CEP162: variants seen among roughly 807,000 people sequenced by gnomAD.
CEP162 encodes the protein centrosomal protein of 162 kDa.
In CEP162, 141 loss-of-function variants were observed where a neutral mutation model predicts 169.2. That is an observed-to-expected ratio of 0.83 (90% CI 0.73 to 0.96). The LOEUF is 0.96. CEP162 is among the 40% of genes least tolerant of loss of function. The pLI, the probability that CEP162 is intolerant of heterozygous loss-of-function variation, is 0.00. For missense variants in CEP162, 1,600 were observed against 1,587.2 expected (o/e 1.01, Z -0.14); for synonymous variants, 540 against 526.4 (o/e 1.03, Z -0.35).
chr6:84,176,602 G>C lies in CEP162; in HGVS notation c.1664-1255C>G, dbSNP rs2099532511. On this transcript the variant is annotated intron_variant, in intron 13 of 26. Coordinates refer to ENST00000403245, the MANE Select transcript of CEP162 (RefSeq NM_014895.4). ...TGCTCTAAAATCTGAAATTTTTTGA[G>C]GGTCAACATGACGCTCATAGAAAAA... Among the ~76,000 whole-genome samples the C allele has an allele frequency of 2.0e-5, 3 of 152,170 alleles. No homozygotes were observed. The South Asian group carries it at 6.2e-4, about 31-fold the overall frequency.
At chr6:84,197,469 T>C (rs2099542618) in intron 9 of CEP162, among the ~76,000 whole-genome samples, 1 of 152,038 alleles carries the variant, frequency 6.6e-6, no homozygotes, top group Non-Finnish European at 1.5e-5. Flanking sequence ...GACTCTGTAG[T>C]TATTTTATGT....
At position 84,204,056 on chromosome 6, in the gene CEP162, T is replaced by A. The variant is rs1365903153; in HGVS notation, c.612A>T (p.Ala204=). 1 of 1,609,200 alleles carries A rather than the reference T, an allele frequency of 6.2e-7. No homozygotes were observed. The highest frequency in any genetic ancestry group is 8.5e-7 in the Non-Finnish European group (1 of 1,177,804). Residue 204 remains alanine (A), a synonymous_variant, in exon 7 of 27, where the codon GCA becomes GCT. Transcript: ENST00000403245. ...TCTCTTCATCTTTAGTAGTCAACGGTGCACCAACATACTCATCTTCAAAAT... is the reference window on the plus strand; with the variant it reads ...TCTCTTCATCTTTAGTAGTCAACGGAGCACCAACATACTCATCTTCAAAAT... ...SDDFEDEYVG[A]PLTTKDEEMP...
In CEP162 at chr6:84,152,728, G is replaced by T; in HGVS notation, c.3446C>A (p.Ser1149Tyr). 1.2e-6 allele frequency: 2 copies of T among 1,613,252 alleles called. No homozygotes were observed. Among genetic ancestry groups the T allele is most frequent in the Non-Finnish European group, 1.7e-6 (2 of 1,179,636 alleles). The change falls in exon 23 of 27, where the codon TCC (serine) becomes TAC (tyrosine). Residue 1149 changes from serine (S) to tyrosine (Y), a missense_variant. Physicochemically the swap from Ser to Tyr is moderately radical, Grantham distance 144 (BLOSUM62 -2). Coordinates refer to ENST00000403245, the MANE Select transcript of CEP162 (RefSeq NM_014895.4). ...VLHSSKGNAN[S>Y]FPGTLDSKLY... ...CTTGCTGTCCAGGGTTCCAGGGAAG[G>T]AGTTAGCATTTCCTTTACTTGAGTG... is the stretch of plus-strand genomic sequence containing the variant.
intron 6 of CEP162, among the ~76,000 whole-genome samples, chr6:84,208,323 T>C (rs925471964): frequency 6.6e-6 from 1 of 152,206 alleles, no homozygotes; most frequent in African/African-American, 2.4e-5. Context: ...AATTTAGATC[T>C]GTAGCTATAA....
intron 17 of CEP162, among the ~76,000 whole-genome samples, chr6:84,170,938 G>A (rs918309633): frequency 9.9e-5 from 15 of 152,058 alleles, no homozygotes; most frequent in Admixed American, 2.6e-4. Context: ...CCCCTGACCC[G>A]GCATAAAGGG....
intron 11 of CEP162, among the ~76,000 whole-genome samples, chr6:84,191,055 TAA>T (rs2099539671): frequency 6.6e-6 from 1 of 152,182 alleles, no homozygotes; most frequent in Non-Finnish European, 1.5e-5. Flanking sequence ...CAAAGAACTC[TAA>T]GTTTCATTAT....
intron 13 of CEP162, among the ~76,000 whole-genome samples, chr6:84,179,007 T>C (rs947838677): frequency 7.2e-5 from 11 of 152,346 alleles, no homozygotes; most frequent in Middle Eastern, 3.4e-3. Flanking sequence ...TTTTTATGGC[T>C]GCATAGTATT....
chr6:84,201,533 G>C (rs1333986763), intron 8 of CEP162, among the ~76,000 whole-genome samples: 1 of 151,922 alleles, frequency 6.6e-6, no homozygotes, highest in Non-Finnish European at 1.5e-5. Context: ...AAGGCAAAGG[G>C]CATAAGAAAA....
At chr6:84,133,810 T>C (rs1304931296) in intron 25 of CEP162, among the ~76,000 whole-genome samples, 1 of 152,154 alleles carries the variant, frequency 6.6e-6, no homozygotes, top group Non-Finnish European at 1.5e-5. Context: ...CCCTTGCGCT[T>C]CCTGGGTGAG....
chr6:84,184,669 A>T (rs1175498473), intron 13 of CEP162, among the ~76,000 whole-genome samples: 1 of 151,958 alleles, frequency 6.6e-6, no homozygotes, highest in Non-Finnish European at 1.5e-5. Context: ...GGTTAGCATG[A>T]TCAGGGGTCT....
chr6:84,153,406 T>C (rs1438356273), intron 22 of CEP162, among the ~76,000 whole-genome samples: 1 of 152,210 alleles, frequency 6.6e-6, no homozygotes, highest in African/African-American at 2.4e-5. Flanking sequence ...ATAATTGATA[T>C]GTTGCTTCAT....
At chr6:84,177,911 C>T (rs1243452171) in intron 13 of CEP162, among the ~76,000 whole-genome samples, 1 of 152,004 alleles carries the variant, frequency 6.6e-6, no homozygotes, top group Non-Finnish European at 1.5e-5. Context: ...AGTGAATAGC[C>T]CAAGGACACA....
At position 84,189,459 on chromosome 6, in the gene CEP162, C is replaced by T. The variant is rs371435242; in HGVS notation, c.1110-2836G>A. Reference sequence around the variant, plus strand: ...GCATGGGGTTGGTGGGCCCCGCACTCGGAGCAGCCAGCCAGCCCTGCTGGC... The same window carrying T: ...GCATGGGGTTGGTGGGCCCCGCACTTGGAGCAGCCAGCCAGCCCTGCTGGC... On this transcript the variant is annotated intron_variant, in intron 11 of 26. Transcript: ENST00000403245. Among the ~76,000 whole-genome samples, 140 of 152,334 alleles carry T rather than the reference C, an allele frequency of 9.2e-4. 1 individual carries two copies. The highest frequency in any genetic ancestry group is 2.9e-4 in the African/African-American group (12 of 41,576).
chr6:84,189,510 C>T (rs181636147), intron 11 of CEP162, among the ~76,000 whole-genome samples: 7,363 of 152,292 alleles, frequency 0.048, 618 homozygotes, highest in African/African-American at 0.17. Flanking sequence ...ACTTAGCACC[C>T]GGGCCAGTGG....
intron 25 of CEP162, among the ~76,000 whole-genome samples, chr6:84,128,254 C>CGG (rs2099509738): frequency 6.6e-6 from 1 of 152,054 alleles, no homozygotes; most frequent in African/African-American, 2.4e-5. Context: ...TTAATTGCAC[C>CGG]TACCTAAAAG....
chr6:84,227,257 A>G (rs1402456372), intron 1 of CEP162, among the ~76,000 whole-genome samples: 3 of 152,104 alleles, frequency 2.0e-5, no homozygotes, highest in Admixed American at 6.5e-5. Context: ...GCAGACCCGG[A>G]CAATACCCTC....
Position 84,213,022 on chromosome 6 carries a change from T to C in CEP162, c.506A>G (p.Asn169Ser). 1 of 1,529,560 alleles carries C rather than the reference T, an allele frequency of 6.5e-7. No homozygotes were observed. The highest frequency in any genetic ancestry group is 8.9e-7 in the Non-Finnish European group (1 of 1,128,694). 94.7% of individuals were successfully genotyped at this position (1,529,560 alleles called of 1,614,324 possible). A position where few individuals can be genotyped will look rare whatever the true frequency, so the allele number is the denominator to read the frequency against. Residue 169 changes from asparagine (N) to serine (S), a missense_variant and splice_region_variant, in exon 6 of 27, where the codon AAT (asparagine) becomes AGT (serine). Physicochemically the swap from Asn to Ser is conservative, Grantham distance 46. Coordinates refer to ENST00000403245, the MANE Select transcript of CEP162 (RefSeq NM_014895.4). ...ATCAGTTAGTTCTGCGTTGGCTTGATTACTGGAAAAAATATTTATTTAATT... is the reference window on the plus strand; with the variant it reads ...ATCAGTTAGTTCTGCGTTGGCTTGACTACTGGAAAAAATATTTATTTAATT... ...DSTHFKALHS[N>S]QANAELTDDE...
chr6:84,173,984 C>G lies in CEP162; in HGVS notation c.2166+64G>C, dbSNP rs371796369. Reference sequence around the variant, plus strand: ...ACAGGCATAAGCCACTGTGCCTGGCCTGCCTTATTTTTATAACTAAAAGAT... The same window carrying G: ...ACAGGCATAAGCCACTGTGCCTGGCGTGCCTTATTTTTATAACTAAAAGAT... On this transcript the variant is annotated intron_variant, in intron 16 of 26. Coordinates refer to ENST00000403245, the MANE Select transcript of CEP162 (RefSeq NM_014895.4). 4.9e-6 allele frequency: 7 copies of G among 1,424,264 alleles called. No homozygotes were observed. In the East Asian group the frequency reaches 1.2e-4, roughly 23 times the overall value. 88.2% of individuals were successfully genotyped at this position (1,424,264 alleles called of 1,614,324 possible).
At chr6:84,132,218 G>C (rs1003068370) in intron 25 of CEP162, among the ~76,000 whole-genome samples, 1 of 152,356 alleles carries the variant, frequency 6.6e-6, no homozygotes, top group Admixed American at 6.5e-5. Flanking sequence ...TCTGCTGTTA[G>C]TCTGATGGGC....
Sources: allele counts gnomAD v4.1 joint callset (sites outside exome capture counted in the v4.1 genomes callset), GRCh38; gene constraint gnomAD v4.1.1; transcripts MANE v1.5; gene names NCBI Gene and HGNC (gene_info 2026-07-23, HGNC 2026-07-21).